INTS2: variants seen among roughly 807,000 people sequenced by gnomAD.
INTS2 encodes integrator complex subunit 2.
INTS2 carries 57 observed loss-of-function variants against 139.6 expected under a neutral mutation model. That is an observed-to-expected ratio of 0.41 (90% CI 0.33 to 0.51). The LOEUF (loss-of-function observed/expected upper bound fraction) is 0.51. Among genes scored for constraint, INTS2 ranks in the 20% least tolerant of loss-of-function variants. INTS2 has a pLI of 0.28. For synonymous variants in INTS2, 473 were observed against 493.4 expected (o/e 0.96, Z 0.55); for missense variants, 1,196 against 1,436.7 (o/e 0.83, Z 2.71).
intron 18 of INTS2, among the ~76,000 whole-genome samples, chr17:61,877,188 C>A (rs766595124): frequency 8.6e-5 from 13 of 151,996 alleles, no homozygotes; most frequent in Admixed American, 2.0e-4. Context: ...CAGGAAATTA[C>A]AGTCATTATA....
chr17:61,874,081 T>C (rs959839360), intron 19 of INTS2: 2 of 152,208 alleles, frequency 1.3e-5, no homozygotes, highest in Non-Finnish European at 2.9e-5. Flanking sequence ...CCACTCTTCT[T>C]TTTTTAAGTT....
rs1391986349 is a variant in INTS2 at position 61,897,104 on chromosome 17, C to T, written c.1494+365G>A. Among the ~76,000 whole-genome samples the T allele has an allele frequency of 6.6e-6, 1 of 152,036 alleles. No homozygotes were observed. The highest frequency in any genetic ancestry group is 6.6e-5 in the Admixed American group (1 of 15,248). On this transcript the variant is annotated intron_variant, in intron 11 of 24. Coordinates refer to ENST00000251334, the MANE Select transcript of INTS2 (RefSeq NM_001351695.2). This position sits in a 1 kb window ranked among gnomAD's most constrained non-coding sequence, Gnocchi z 4.4. Reference sequence around the variant, plus strand: ...GACAATGCAGTCATTAAAAATTATACTGTATTATAATATTTATTGATATGA... The same window carrying T: ...GACAATGCAGTCATTAAAAATTATATTGTATTATAATATTTATTGATATGA...
At chr17:61,922,578 A>C (rs2079658158) in intron 3 of INTS2, among the ~76,000 whole-genome samples, 1 of 142,100 alleles carries the variant, frequency 7.0e-6, no homozygotes, top group South Asian at 2.2e-4. Context: ...TGTTGGAAAA[A>C]CAAAGAATTA....
intron 11 of INTS2, among the ~76,000 whole-genome samples, chr17:61,895,594 T>C (rs951118532): frequency 1.3e-5 from 2 of 152,170 alleles, no homozygotes; most frequent in African/African-American, 2.4e-5. Flanking sequence ...AATACTATTA[T>C]TGGCATTTTC....
chr17:61,869,307 G>C lies in INTS2; in HGVS notation c.3104C>G (p.Pro1035Arg). Residue 1035 changes from proline (P) to arginine (R), a missense_variant, in exon 22 of 25, where the codon CCT becomes CGT. Pro to Arg is a moderately radical substitution (Grantham distance 103). Transcript: ENST00000251334. The surrounding 1 kb of genome is among the most constrained non-coding windows in gnomAD (Gnocchi z 5.4). ...PSMHICLDFI[P>R]ELIAQPELEK... ...AAGTTCTGGCTGTGCAATAAGCTCA[G>C]GTATGAAATCTAGACAGATGTGCAT... 1 of 1,606,478 alleles carries C rather than the reference G, an allele frequency of 6.2e-7. No homozygotes were observed. Among genetic ancestry groups the C allele is most frequent in the African/African-American group, 1.3e-5 (1 of 74,882 alleles).
Position 61,872,192 on chromosome 17 carries a change from A to G in INTS2, c.2778+73T>C. On this transcript the variant is annotated intron_variant, in intron 20 of 24. Transcript: ENST00000251334. The surrounding 1 kb of genome is among the most constrained non-coding windows in gnomAD (Gnocchi z 4.8). ...ATGTACATGGAGCGCACAATGTGCC[A>G]TCTATTGAACTGATTATACTAGTAG... 1.1e-6 allele frequency: 1 copy of G among 883,854 alleles called. No homozygotes were observed. The highest frequency in any genetic ancestry group is 1.7e-6 in the Non-Finnish European group (1 of 575,984). 54.8% of individuals were successfully genotyped at this position (883,854 alleles called of 1,614,324 possible).
Position 61,872,208 on chromosome 17 carries a change from A to G in INTS2, c.2778+57T>C. ...CAATGTGCCATCTATTGAACTGATT[A>G]TACTAGTAGAGAAGCCCTTGCTCTT... is the stretch of plus-strand genomic sequence containing the variant. On this transcript the variant is annotated intron_variant, in intron 20 of 24. Coordinates refer to ENST00000251334, the MANE Select transcript of INTS2 (RefSeq NM_001351695.2). The surrounding 1 kb of genome is among the most constrained non-coding windows in gnomAD (Gnocchi z 4.8). The G allele has an allele frequency of 8.3e-7, 1 of 1,199,290 alleles. No homozygotes were observed. Among genetic ancestry groups the G allele is most frequent in the Non-Finnish European group, 1.2e-6 (1 of 826,168 alleles). 74.3% of individuals were successfully genotyped at this position (1,199,290 alleles called of 1,614,324 possible). A position where few individuals can be genotyped will look rare whatever the true frequency, so the allele number is the denominator to read the frequency against.
chr17:61,923,889 G>A (rs1020156459), intron 3 of INTS2, among the ~76,000 whole-genome samples: 1 of 152,116 alleles, frequency 6.6e-6, no homozygotes, highest in Non-Finnish European at 1.5e-5. Context: ...CCAACCTCAG[G>A]TGATCCGCCC....
At chr17:61,895,203 G>C in intron 12 of INTS2, 112 bp downstream of exon 12, 1 of 621,666 alleles carries the variant, frequency 1.6e-6, no homozygotes, top group African/African-American at 1.9e-5. Flanking sequence ...ATCATCATGA[G>C]TTTAAAAAGA....
At position 61,889,828 on chromosome 17, in the gene INTS2, G is replaced by T; in HGVS notation, c.1942C>A (p.Leu648Met). The change falls in exon 15 of 25, where the codon CTG becomes ATG. Residue 648 changes from leucine to methionine, a missense_variant. Around this residue, in one of 3 missense-constraint regions of INTS2, gnomAD observed 1,129 missense variants for 1,341.9 expected, o/e 0.84. Coordinates refer to ENST00000251334, the MANE Select transcript of INTS2 (RefSeq NM_001351695.2). ...GCTAGAAGAGCCTCTTCATAAGACA[G>T]TATATAGTAGAGCACCAAAAGCTGT... ...TAQLLVLYYI[L>M]SYEEALLANT... 1.2e-6 allele frequency: 2 copies of T among 1,611,178 alleles called. No individual in the cohort carries two copies. Among genetic ancestry groups the T allele is most frequent in the Non-Finnish European group, 1.7e-6 (2 of 1,177,812 alleles).
chr17:61,915,681 A>C (rs867168998), intron 5 of INTS2, among the ~76,000 whole-genome samples: 80 of 148,450 alleles, frequency 5.4e-4, no homozygotes, highest in African/African-American at 1.9e-3. Context: ...AATACAAAAA[A>C]TTAGCCGGGC....
intron 7 of INTS2, among the ~76,000 whole-genome samples, chr17:61,908,476 C>A (rs1418366548): frequency 6.6e-6 from 1 of 152,142 alleles, no homozygotes; most frequent in Non-Finnish European, 1.5e-5. Context: ...AGGGACAATG[C>A]CTTAGTCTTC....
intron 9 of INTS2, among the ~76,000 whole-genome samples, chr17:61,903,224 T>TA (rs1283373794): frequency 6.6e-6 from 1 of 151,084 alleles, no homozygotes; most frequent in Non-Finnish European, 1.5e-5. Context: ...TTTTTAATTT[T>TA]TTTTTTTTTA....
chr17:61,895,474 A>C (rs2079337884), intron 11 of INTS2, 91 bp from the exon 12 acceptor site: 1 of 689,186 alleles, frequency 1.5e-6, no homozygotes, highest in Admixed American at 3.7e-5. Context: ...TATGATACAC[A>C]TAAATGTTCA....
intron 16 of INTS2, among the ~76,000 whole-genome samples, 153 bp from the exon 17 acceptor site, chr17:61,881,324 C>T (rs556857715): frequency 2.0e-5 from 3 of 152,268 alleles, no homozygotes; most frequent in Admixed American, 1.3e-4. Flanking sequence ...TGGCCGGGCG[C>T]GGTGGCTCAT....
chr17:61,880,935 T>C, intron 17 of INTS2, 72 bp downstream of exon 17: 18 of 1,193,620 alleles, frequency 1.5e-5, no homozygotes, highest in South Asian at 4.2e-5. Flanking sequence ...TGTATGATTA[T>C]AAGATTTCAA....
intron 9 of INTS2, among the ~76,000 whole-genome samples, chr17:61,899,347 T>C (rs2079381480): frequency 6.6e-6 from 1 of 152,104 alleles, no homozygotes; most frequent in Non-Finnish European, 1.5e-5. Context: ...ACCTCCCGGA[T>C]TCAAGAGATT....
rs114371070 is a variant in INTS2, at chr17:61,886,730, T to C, written c.1985-1725A>G. ...TACTTTCCTTTACACCACAGGAATA[T>C]ATGAGAATCTCAATCAGGGTGTTTG... On this transcript the variant is annotated intron_variant, in intron 15 of 24. Coordinates refer to ENST00000251334, the MANE Select transcript of INTS2 (RefSeq NM_001351695.2). 2.2e-3 allele frequency among the ~76,000 whole-genome samples: 339 copies of C among 152,378 alleles called. 1 individual carries two copies. Among genetic ancestry groups the C allele is most frequent in the Middle Eastern group, 0.01 (3 of 294 alleles).
chr17:61,890,003 A>T, intron 14 of INTS2, 109 bp from the exon 15 acceptor site: 1 of 671,762 alleles, frequency 1.5e-6, no homozygotes, highest in South Asian at 1.7e-5. Flanking sequence ...GCTGCTCCTA[A>T]CTCAGGTAAA....
Sources: gnomAD v4.1 joint callset for allele counts (sites outside exome capture counted in the v4.1 genomes callset) on GRCh38, gnomAD v4.1.1 for gene constraint, gnomAD v4.1.1 regional missense constraint, Gnocchi (gnomAD v3.1) non-coding constraint, MANE v1.5 for transcripts, NCBI Gene and HGNC (gene_info 2026-07-23, HGNC 2026-07-21) for gene names.